The following ARHGEF7 variants were observed in gnomAD, a reference collection of about 807,000 sequenced individuals.
The protein encoded by ARHGEF7 is Rho guanine nucleotide exchange factor 7.
In ARHGEF7, 33 loss-of-function variants were observed where a neutral mutation model predicts 109.8. The ratio of observed to expected loss-of-function variants is 0.30; its 90% confidence interval spans 0.23 to 0.40. ARHGEF7 has a LOEUF of 0.40. Among genes scored for constraint, ARHGEF7 ranks in the 10% least tolerant of loss-of-function variants. The probability of loss-of-function intolerance (pLI) is 1.00; values close to 1 mark genes in which losing one functional copy is unlikely to be tolerated. For synonymous variants in ARHGEF7, 458 were observed against 424.6 expected (o/e 1.08, Z -0.97); for missense variants, 938 against 1,098.5 (o/e 0.85, Z 2.07).
At position 111,280,349 on chromosome 13, in the gene ARHGEF7, A is replaced by G; in HGVS notation, c.1584A>G (p.Ser528=). The G allele has an allele frequency of 6.2e-7, 1 of 1,613,306 alleles. No homozygotes were observed. The highest frequency in any genetic ancestry group is 1.1e-5 in the South Asian group (1 of 90,966). Residue 528 remains serine (S), a splice_region_variant and synonymous_variant, in exon 14 of 22, where the codon TCA becomes TCG. Transcript: ENST00000646102. ...SENHRNAFEI[S]GSMIERILVS... is the part of the protein sequence containing the mutation. Reference sequence around the variant, plus strand: ...ATCATAGAAATGCATTTGAAATATCAGGTGATAGGCACAAGCTGTGTGAGT... The same window carrying G: ...ATCATAGAAATGCATTTGAAATATCGGGTGATAGGCACAAGCTGTGTGAGT...
chr13:111,293,370 G>A lies in ARHGEF7; in HGVS notation c.2311+1076G>A, dbSNP rs1302110496. 3.0e-6 allele frequency: 3 copies of A among 984,308 alleles called. No individual in the cohort carries two copies. In the East Asian group the frequency reaches 3.4e-4, roughly 112 times the overall value. 61.0% of individuals were successfully genotyped at this position (984,308 alleles called of 1,614,324 possible). A position where few individuals can be genotyped will look rare whatever the true frequency, so the allele number is the denominator to read the frequency against. On this transcript the variant is annotated intron_variant, in intron 19 of 21. Coordinates refer to ENST00000646102, the MANE Select transcript of ARHGEF7 (RefSeq NM_001354046.2). ...CAACCCCATAGTATAAAACCACAAT[G>A]CCTCATTGTAATGGGATATTGAAGT... is the stretch of plus-strand genomic sequence containing the variant.
chr13:111,238,061 A>G (rs535152770), intron 6 of ARHGEF7, among the ~76,000 whole-genome samples: 2 of 152,328 alleles, frequency 1.3e-5, no homozygotes, highest in East Asian at 1.9e-4. Flanking sequence ...GATCTCTTAA[A>G]TGCAGATCTT....
intron 19 of ARHGEF7, chr13:111,293,992 C>G (rs1285218129): frequency 2.0e-6 from 2 of 985,312 alleles, no homozygotes; most frequent in East Asian, 2.3e-4. Context: ...ATCAGGGCAG[C>G]TGTTAATTCC....
At chr13:111,198,631 C>T (rs373484143) in intron 2 of ARHGEF7, among the ~76,000 whole-genome samples, 7 of 151,990 alleles carry the variant, frequency 4.6e-5, no homozygotes, top group Non-Finnish European at 8.8e-5. Context: ...ACTTCAGGAA[C>T]GAAGCTGCAG....
chr13:111,178,587 T>C (rs2078399896), intron 2 of ARHGEF7, among the ~76,000 whole-genome samples: 1 of 152,230 alleles, frequency 6.6e-6, no homozygotes, highest in Non-Finnish European at 1.5e-5. Context: ...GACCCCAGCA[T>C]CTCTCTGGAG....
chr13:111,277,252 AAT>A (rs1327228703), intron 12 of ARHGEF7, among the ~76,000 whole-genome samples: 1 of 152,206 alleles, frequency 6.6e-6, no homozygotes, highest in Non-Finnish European at 1.5e-5. Context: ...TCTTTAACCA[AAT>A]ATAGTTTCAA....
intron 2 of ARHGEF7, among the ~76,000 whole-genome samples, chr13:111,197,784 G>A (rs964349935): frequency 1.6e-4 from 24 of 152,086 alleles, no homozygotes; most frequent in Admixed American, 3.3e-4. Context: ...TCTGATTGGC[G>A]GGCCCGGGTG....
intron 1 of ARHGEF7, among the ~76,000 whole-genome samples, chr13:111,142,804 C>G (rs974745888): frequency 6.6e-6 from 1 of 152,250 alleles, no homozygotes; most frequent in Admixed American, 6.5e-5. Flanking sequence ...GAGCCTGCCT[C>G]TTTGCATGCC....
intron 8 of ARHGEF7, among the ~76,000 whole-genome samples, chr13:111,264,460 G>A (rs1455337917): frequency 2.6e-5 from 4 of 152,282 alleles, no homozygotes; most frequent in East Asian, 1.9e-4. Context: ...TCCCATCTGC[G>A]CAGAGATCTA....
intron 6 of ARHGEF7, among the ~76,000 whole-genome samples, chr13:111,238,395 C>A (rs2087139182): frequency 6.6e-6 from 1 of 152,162 alleles, no homozygotes; most frequent in African/African-American, 2.4e-5. Context: ...TTAAGGCCTC[C>A]AGCAAAGTGC....
Position 111,278,329 on chromosome 13 carries a change from A to T in ARHGEF7, c.1506+656A>T, listed in dbSNP as rs145925334. ...CAGGTTTCATTCTTCTTTTTCTGGG[A>T]AGTTACAGAGGCTCATATCCTTCCC... On this transcript the variant is annotated intron_variant, in intron 13 of 21. Transcript: ENST00000646102. 7.2e-5 allele frequency among the ~76,000 whole-genome samples: 11 copies of T among 152,172 alleles called. No individual in the cohort carries two copies. In the East Asian group the frequency reaches 1.9e-3, roughly 27 times the overall value.
chr13:111,203,250 T>C, intron 2 of ARHGEF7: 1 of 446,802 alleles, frequency 2.2e-6, no homozygotes, highest in Non-Finnish European at 3.4e-6. Flanking sequence ...TATTTAAAAA[T>C]GTTATGATGA....
chr13:111,235,683 C>G, intron 6 of ARHGEF7, among the ~76,000 whole-genome samples: 1 of 152,130 alleles, frequency 6.6e-6, no homozygotes, highest in East Asian at 1.9e-4. Flanking sequence ...GGTTACTAAG[C>G]CAGGAATCAA....
intron 6 of ARHGEF7, among the ~76,000 whole-genome samples, chr13:111,237,212 T>C (rs2086955520): frequency 6.6e-6 from 1 of 152,210 alleles, no homozygotes; most frequent in Non-Finnish European, 1.5e-5. Flanking sequence ...GCATCAGGTA[T>C]AATACAAGGT....
Position 111,217,877 on chromosome 13 carries a change from A to G in ARHGEF7, c.667A>G (p.Ser223Gly), listed in dbSNP as rs1198869403. Reference sequence around the variant, plus strand: ...CAACTACGTGCGCGAGGTCAAGGCCAGCGGTAAGTGGCCGAGCCTGGGCTG... The same window carrying G: ...CAACTACGTGCGCGAGGTCAAGGCCGGCGGTAAGTGGCCGAGCCTGGGCTG... ...PSNYVREVKA[S>G]EKPVSPKSGT... Residue 223 changes from serine (S) to glycine (G), a missense_variant, in exon 5 of 22, where the codon AGC (serine) becomes GGC (glycine). By Grantham distance (56) the Ser-to-Gly change is moderately conservative (BLOSUM62 0). This residue lies in a region of ARHGEF7 where 585 missense variants were observed against 723.6 expected (regional missense o/e 0.81). Transcript: ENST00000646102. 1 of 1,610,094 alleles carries G rather than the reference A, an allele frequency of 6.2e-7. No homozygotes were observed. Among genetic ancestry groups the G allele is most frequent in the Admixed American group, 1.7e-5 (1 of 59,894 alleles).
At chr13:111,245,537 T>A (rs9522171) in intron 8 of ARHGEF7, among the ~76,000 whole-genome samples, 1 of 151,940 alleles carries the variant, frequency 6.6e-6, no homozygotes, top group Non-Finnish European at 1.5e-5. Flanking sequence ...TTGAGTTCTT[T>A]AGCAGCTTCT....
intron 1 of ARHGEF7, among the ~76,000 whole-genome samples, chr13:111,127,391 G>A (rs1487359588): frequency 1.2e-4 from 18 of 152,062 alleles, no homozygotes; most frequent in Admixed American, 1.2e-3. Context: ...AGGTGCAGTG[G>A]CTCACATCTG....
intron 2 of ARHGEF7, among the ~76,000 whole-genome samples, chr13:111,158,038 T>C (rs1396488930): frequency 6.6e-6 from 1 of 152,222 alleles, no homozygotes; most frequent in East Asian, 1.9e-4. Flanking sequence ...AGATTCCAGT[T>C]AATTGATACA....
intron 1 of ARHGEF7, among the ~76,000 whole-genome samples, chr13:111,124,721 C>T (rs567567664): frequency 6.6e-6 from 1 of 152,306 alleles, no homozygotes; most frequent in Admixed American, 6.5e-5. Context: ...TCCCTGCCTT[C>T]ATAATGGTGG....
Sources: gnomAD v4.1 joint callset for allele counts (sites outside exome capture counted in the v4.1 genomes callset) on GRCh38, gnomAD v4.1.1 for gene constraint, gnomAD v4.1.1 regional missense constraint, MANE v1.5 for transcripts, NCBI Gene and HGNC (gene_info 2026-07-23, HGNC 2026-07-21) for gene names.